Variants in CDH12 observed in about 807,000 individuals in gnomAD.
The protein encoded by CDH12 is cadherin 12.
A neutral mutation model predicts 74.1 loss-of-function variants in CDH12; 41 were observed. The observed-to-expected ratio is 0.55, with a 90% confidence interval of 0.43 to 0.72. The LOEUF is 0.72. CDH12 is among the 30% of genes least tolerant of loss of function. The probability of loss-of-function intolerance (pLI) is 0.00; values close to 1 mark genes in which losing one functional copy is unlikely to be tolerated. For missense variants in CDH12, 945 were observed against 977.2 expected (o/e 0.97, Z 0.44); for synonymous variants, 399 against 355.0 (o/e 1.12, Z -1.39).
At chr5:22,206,589 C>T (rs1187824590) in intron 4 of CDH12, among the ~76,000 whole-genome samples, 2 of 136,310 alleles carry the variant, frequency 1.5e-5, no homozygotes, top group East Asian at 2.2e-4. Flanking sequence ...CAGGAATCTA[C>T]TTCTTTATTT....
At chr5:22,490,231 AAC>A (rs905798104) in intron 2 of CDH12, among the ~76,000 whole-genome samples, 1 of 152,198 alleles carries the variant, frequency 6.6e-6, no homozygotes, top group Non-Finnish European at 1.5e-5. Context: ...TCACAGGAAA[AAC>A]ACAACTAATT....
At chr5:22,440,812 C>T (rs546265528) in intron 2 of CDH12, among the ~76,000 whole-genome samples, 4 of 152,222 alleles carry the variant, frequency 2.6e-5, no homozygotes, top group African/African-American at 9.6e-5. Context: ...AGGATAATCT[C>T]CCCACCTCAA....
chr5:22,805,324 A>G (rs1232037785), intron 1 of CDH12, among the ~76,000 whole-genome samples: 1 of 152,154 alleles, frequency 6.6e-6, no homozygotes, highest in African/African-American at 2.4e-5. Flanking sequence ...GCTGAACTCC[A>G]CCACCAGATT....
intron 3 of CDH12, among the ~76,000 whole-genome samples, chr5:22,355,270 T>C (rs963600749): frequency 1.4e-4 from 22 of 152,070 alleles, no homozygotes; most frequent in African/African-American, 5.3e-4. Context: ...ATTCTGTCAT[T>C]ATATAGTAAT....
intron 1 of CDH12, among the ~76,000 whole-genome samples, chr5:22,831,858 C>T (rs1736628856): frequency 6.6e-6 from 1 of 152,018 alleles, no homozygotes. Context: ...GATTGCACCA[C>T]CGCACTCCAG....
intron 4 of CDH12, among the ~76,000 whole-genome samples, chr5:22,153,420 G>A (rs1020189677): frequency 4.0e-5 from 6 of 151,584 alleles, no homozygotes; most frequent in African/African-American, 1.2e-4. Context: ...TAACCACATT[G>A]CTTGTTTTTC....
chr5:22,187,308 T>C (rs1376609667), intron 4 of CDH12, among the ~76,000 whole-genome samples: 1 of 152,270 alleles, frequency 6.6e-6, no homozygotes, highest in African/African-American at 2.4e-5. Context: ...AAAATGAAAA[T>C]GTCCCAATTA....
intron 4 of CDH12, among the ~76,000 whole-genome samples, chr5:22,134,893 A>T (rs1473542543): frequency 6.7e-6 from 1 of 150,242 alleles, no homozygotes; most frequent in Non-Finnish European, 1.5e-5. Context: ...ACCTCCACAC[A>T]CTCCCCCCAC....
intron 5 of CDH12, among the ~76,000 whole-genome samples, chr5:22,056,331 C>T (rs2150199836): frequency 6.6e-6 from 1 of 152,248 alleles, no homozygotes; most frequent in South Asian, 2.1e-4. Context: ...TCTGTGCTTT[C>T]TAATAGAAAT....
At chr5:21,891,770 T>C (rs754009786) in intron 6 of CDH12, among the ~76,000 whole-genome samples, 2 of 152,168 alleles carry the variant, frequency 1.3e-5, no homozygotes, top group Non-Finnish European at 2.9e-5. Flanking sequence ...CAGTTTCTGA[T>C]TGTACTTAAT....
At chr5:22,059,336 CATCT>C (rs58259827) in intron 5 of CDH12, among the ~76,000 whole-genome samples, 34,788 of 143,298 alleles carry the variant, frequency 0.24, 4,657 homozygotes, top group Non-Finnish European at 0.3. Context: ...GTCTATCTAT[CATCT>C]ATCTATCTAT....
At chr5:22,772,226 G>A (rs1464449374) in intron 1 of CDH12, among the ~76,000 whole-genome samples, 1 of 151,896 alleles carries the variant, frequency 6.6e-6, no homozygotes, top group Non-Finnish European at 1.5e-5. Flanking sequence ...GCCATGGGAG[G>A]TTTTGAGAGA....
chr5:21,751,559 T>A lies in CDH12; in HGVS notation c.*178A>T, dbSNP rs1262325093. 1 of 595,892 alleles carries A rather than the reference T, an allele frequency of 1.7e-6. No individual in the cohort carries two copies. Among genetic ancestry groups the A allele is most frequent in the African/African-American group, 1.9e-5 (1 of 53,832 alleles). 36.9% of individuals were successfully genotyped at this position (595,892 alleles called of 1,614,324 possible). On this transcript the variant is annotated 3_prime_UTR_variant, in exon 15 of 15. Coordinates refer to ENST00000382254, the MANE Select transcript of CDH12 (RefSeq NM_004061.5). ...AATAAACCAAAACTGACAATATGAT[T>A]AATTTAGTAACTTACTAGAAACCAG...
intron 3 of CDH12, among the ~76,000 whole-genome samples, chr5:22,363,078 A>T (rs1740888128): frequency 6.6e-6 from 1 of 152,006 alleles, no homozygotes; most frequent in Non-Finnish European, 1.5e-5. Flanking sequence ...ACTTATAATA[A>T]TAAAAAAACA....
At chr5:22,490,647 TA>T (rs998146734) in intron 2 of CDH12, among the ~76,000 whole-genome samples, 6 of 151,556 alleles carry the variant, frequency 4.0e-5, no homozygotes, top group Non-Finnish European at 5.9e-5. Flanking sequence ...TTTAATCAGT[TA>T]AAAAAAAACT....
At chr5:22,543,802 A>G (rs552923184) in intron 1 of CDH12, among the ~76,000 whole-genome samples, 1 of 152,308 alleles carries the variant, frequency 6.6e-6, no homozygotes, top group African/African-American at 2.4e-5. Context: ...TTTGGTCCCA[A>G]GACACTTACT....
chr5:22,471,094 G>A (rs539928962), intron 2 of CDH12, among the ~76,000 whole-genome samples: 77 of 101,588 alleles, frequency 7.6e-4, no homozygotes, highest in African/African-American at 2.6e-3. Flanking sequence ...CAAGCTTCTA[G>A]GATAATCTCT....
intron 2 of CDH12, among the ~76,000 whole-genome samples, chr5:22,442,090 A>G (rs1350295238): frequency 6.6e-6 from 1 of 152,180 alleles, no homozygotes; most frequent in African/African-American, 2.4e-5. Context: ...TATTTCACAG[A>G]TAATTTCACA....
chr5:21,885,044 G>T (rs1009632111), intron 6 of CDH12, among the ~76,000 whole-genome samples: 7 of 151,998 alleles, frequency 4.6e-5, no homozygotes, highest in African/African-American at 1.7e-4. Flanking sequence ...GCACCACCAT[G>T]CCCAGCTATT....
Sources: allele counts gnomAD v4.1 joint callset (sites outside exome capture counted in the v4.1 genomes callset), GRCh38; gene constraint gnomAD v4.1.1; transcripts MANE v1.5; gene names NCBI Gene and HGNC (gene_info 2026-07-23, HGNC 2026-07-21).